The following VPS35L variants were observed in gnomAD, a reference collection of about 807,000 sequenced individuals.
The protein encoded by VPS35L is VPS35 endosomal protein-sorting factor-like.
VPS35L carries 83 observed loss-of-function variants against 133.0 expected under a neutral mutation model. The observed-to-expected ratio is 0.62, with a 90% CI of 0.52 to 0.75. The LOEUF (loss-of-function observed/expected upper bound fraction) is 0.75. Among genes scored for constraint, VPS35L ranks in the 30% least tolerant of loss-of-function variants. VPS35L has a pLI of 0.00. For missense variants in VPS35L, 1,083 were observed against 1,206.8 expected (o/e 0.90, Z 1.52); for synonymous variants, 423 against 449.9 (o/e 0.94, Z 0.76).
At chr16:19,572,778 G>A (rs553256835) in intron 3 of VPS35L, among the ~76,000 whole-genome samples, 50 of 152,220 alleles carry the variant, frequency 3.3e-4, no homozygotes, top group African/African-American at 1.1e-3. Flanking sequence ...TGCCTTCCAG[G>A]TTCAAGCGAT....
At chr16:19,647,689 T>G in intron 23 of VPS35L, 95 bp from the exon 24 acceptor site, 75 of 959,028 alleles carry the variant, frequency 7.8e-5, no homozygotes, top group Non-Finnish European at 1.0e-4. Flanking sequence ...GTCATAAAGA[T>G]GAGGTGGCAA....
intron 5 of VPS35L, among the ~76,000 whole-genome samples, chr16:19,576,609 A>G (rs1238113540): frequency 6.6e-6 from 1 of 152,232 alleles, no homozygotes; most frequent in Non-Finnish European, 1.5e-5. Context: ...TGCTGGGTGC[A>G]GATGAGCACA....
At chr16:19,652,248 T>C (rs1393837485) in intron 26 of VPS35L, 158 bp downstream of exon 26, 1 of 611,222 alleles carries the variant, frequency 1.6e-6, no homozygotes, top group African/African-American at 1.9e-5. Context: ...GCAATCATAG[T>C]TTCCTGTAAC....
rs78634271 is a variant in VPS35L, at chr16:19,630,293, G to A, written c.1554+473G>A. On this transcript the variant is annotated intron_variant, in intron 18 of 30. Transcript: ENST00000417362. ...AGAAGTGGGTTCAAAACCCTTGCCA[G>A]AGTAATTTGTTTATTTTAATCAAGT... 2.1e-3 allele frequency among the ~76,000 whole-genome samples: 314 copies of A among 149,150 alleles called. 14 individuals are homozygous for A. The East Asian group carries it at 0.057, about 27-fold the overall frequency.
intron 14 of VPS35L, among the ~76,000 whole-genome samples, chr16:19,618,905 T>C (rs1369600997): frequency 6.6e-6 from 1 of 151,638 alleles, no homozygotes; most frequent in African/African-American, 2.4e-5. Flanking sequence ...CGTAACTTAT[T>C]TTTCTTTGCC....
intron 7 of VPS35L, among the ~76,000 whole-genome samples, chr16:19,586,780 T>TA: frequency 6.6e-6 from 1 of 152,346 alleles, no homozygotes; most frequent in Middle Eastern, 3.4e-3. Context: ...TTTTAGCACT[T>TA]ACATTTAGGT....
chr16:19,644,735 A>G, intron 22 of VPS35L, 151 bp from the exon 23 acceptor site: 1 of 482,870 alleles, frequency 2.1e-6, no homozygotes, highest in Non-Finnish European at 3.6e-6. Context: ...ATTTTTATCA[A>G]AGGAAAAATA....
Position 19,566,883 on chromosome 16 carries a change from G to C in VPS35L, c.117+1933G>C, listed in dbSNP as rs1448995590. ...TCCTGCTTCAGCCTCCTGAGTAGCTGGGACTACAGGCGCCCGCCACCATGC... is the reference window on the plus strand; with the variant it reads ...TCCTGCTTCAGCCTCCTGAGTAGCTCGGACTACAGGCGCCCGCCACCATGC... On this transcript the variant is annotated intron_variant, in intron 2 of 30. Coordinates refer to ENST00000417362, the MANE Select transcript of VPS35L (RefSeq NM_020314.7). Among the ~76,000 whole-genome samples, 3 of 152,226 alleles carry C rather than the reference G, an allele frequency of 2.0e-5. No individual in the cohort carries two copies. In the South Asian group the frequency reaches 6.2e-4, roughly 32 times the overall value.
intron 23 of VPS35L, among the ~76,000 whole-genome samples, chr16:19,645,765 C>G (rs1339719830): frequency 6.6e-6 from 1 of 152,158 alleles, no homozygotes; most frequent in Non-Finnish European, 1.5e-5. Flanking sequence ...CCAAGCACAC[C>G]TGGGTGACCT....
intron 1 of VPS35L, among the ~76,000 whole-genome samples, chr16:19,561,243 C>T (rs917989494): frequency 3.8e-4 from 58 of 152,082 alleles, no homozygotes; most frequent in African/African-American, 1.2e-3. Flanking sequence ...TGGTGGCGGG[C>T]GCCTGTAGTC....
intron 9 of VPS35L, among the ~76,000 whole-genome samples, chr16:19,605,528 C>T (rs1972513536): frequency 6.6e-6 from 1 of 152,216 alleles, no homozygotes; most frequent in Non-Finnish European, 1.5e-5. Flanking sequence ...CCCCTTTCTG[C>T]TCAGCAAATT....
chr16:19,572,453 G>A (rs1229040391), intron 3 of VPS35L, among the ~76,000 whole-genome samples: 1 of 152,100 alleles, frequency 6.6e-6, no homozygotes, highest in Non-Finnish European at 1.5e-5. Flanking sequence ...TTAAGGTTTT[G>A]ATGGCTATCA....
intron 8 of VPS35L, among the ~76,000 whole-genome samples, chr16:19,592,842 C>T (rs765184813): frequency 3.9e-5 from 6 of 152,000 alleles, no homozygotes; most frequent in Admixed American, 6.6e-5. Flanking sequence ...CGCACCACCA[C>T]GCCTAGCTAG....
At chr16:19,651,827 A>G in intron 25 of VPS35L, 149 bp from the exon 26 acceptor site, 1 of 651,860 alleles carries the variant, frequency 1.5e-6, no homozygotes, top group Non-Finnish European at 2.8e-6. Flanking sequence ...TCATCAGAGC[A>G]GAGTTGTACA....
intron 3 of VPS35L, 40 bp from the exon 4 acceptor site, chr16:19,573,079 A>G (rs750908031): frequency 1.3e-6 from 2 of 1,598,708 alleles, no homozygotes; most frequent in Non-Finnish European, 8.5e-7. Flanking sequence ...AAAGATCAAA[A>G]TGATATTGCT....
rs1972909167 is a variant in VPS35L at position 19,616,799 on chromosome 16, T to C, written c.1215T>C (p.His405=). 4 of 1,614,080 alleles carry C rather than the reference T, an allele frequency of 2.5e-6. No homozygotes were observed. Among genetic ancestry groups the C allele is most frequent in the Admixed American group, 1.7e-5 (1 of 60,002 alleles). ...GGATCTTCCAGTGCATCTCCTACCA[T>C]GCCCCCGAGGTAACTGCCAGGTGGC... ...MDWIFQCISY[H]APEALLTEMM... is the part of the protein sequence containing the mutation. The change falls in exon 14 of 31, where the codon CAT becomes CAC. Residue 405 remains histidine, a synonymous_variant. Transcript: ENST00000417362.
chr16:19,661,639 G>A (rs1974488677), intron 26 of VPS35L, among the ~76,000 whole-genome samples: 1 of 152,218 alleles, frequency 6.6e-6, no homozygotes, highest in Admixed American at 6.5e-5. Flanking sequence ...CCTGAAGTCT[G>A]ACTCATTTCA....
chr16:19,637,708 T>G, intron 20 of VPS35L, 52 bp downstream of exon 20: 1 of 1,271,178 alleles, frequency 7.9e-7, no homozygotes, highest in Non-Finnish European at 1.1e-6. Flanking sequence ...GCTCAGAGGT[T>G]CTCATTGTCT....
chr16:19,664,483 G>A (rs752183458), intron 26 of VPS35L, among the ~76,000 whole-genome samples: 2 of 151,866 alleles, frequency 1.3e-5, no homozygotes, highest in African/African-American at 4.8e-5. Context: ...TGTAGTGTTG[G>A]GTCAGCAAGA....
Sources: gnomAD v4.1 joint callset for allele counts (sites outside exome capture counted in the v4.1 genomes callset) on GRCh38, gnomAD v4.1.1 for gene constraint, MANE v1.5 for transcripts, NCBI Gene and HGNC (gene_info 2026-07-23, HGNC 2026-07-21) for gene names.